The following TTC28 variants were observed in gnomAD, a reference collection of about 807,000 sequenced individuals.
The protein encoded by TTC28 is tetratricopeptide repeat protein 28.
In TTC28, 61 loss-of-function variants were observed where a neutral mutation model predicts 198.0. That is an observed-to-expected ratio of 0.31 (90% CI 0.25 to 0.38). TTC28 has a LOEUF of 0.38. Ranked by LOEUF, TTC28 falls within the 10% of genes least tolerant of loss-of-function variation. TTC28 has a pLI of 1.00. For synonymous variants in TTC28, 1,171 were observed against 1,297.8 expected (o/e 0.90, Z 2.10); for missense variants, 2,678 against 3,164.0 (o/e 0.85, Z 3.69).
chr22:28,427,151 C>A (rs2047362321), intron 2 of TTC28, among the ~76,000 whole-genome samples: 1 of 152,106 alleles, frequency 6.6e-6, no homozygotes, highest in African/African-American at 2.4e-5. Context: ...ATTGTCATGT[C>A]TCTGGGGAAA....
intron 5 of TTC28, among the ~76,000 whole-genome samples, chr22:28,201,308 C>T (rs1468853127): frequency 6.6e-6 from 1 of 152,002 alleles, no homozygotes; most frequent in Non-Finnish European, 1.5e-5. Flanking sequence ...ATGTGCAGGG[C>T]GAGAGTAGAG....
chr22:28,141,317 TAA>T (rs1943328387), intron 6 of TTC28, among the ~76,000 whole-genome samples: 1 of 152,198 alleles, frequency 6.6e-6, no homozygotes, highest in Admixed American at 6.5e-5. Flanking sequence ...TATGTTTGTT[TAA>T]AAACATGTCT....
chr22:27,986,015 T>TA (rs1460531193), intron 21 of TTC28: 2 of 153,382 alleles, frequency 1.3e-5, no homozygotes, highest in Non-Finnish European at 2.9e-5. Flanking sequence ...ACGTGGTACT[T>TA]AGACACATTA....
chr22:28,316,192 G>C (rs1362683195), intron 2 of TTC28, among the ~76,000 whole-genome samples: 1 of 152,184 alleles, frequency 6.6e-6, no homozygotes, highest in African/African-American at 2.4e-5. Context: ...TGTGGCTATG[G>C]GCATGTCTTA....
At chr22:27,993,547 AC>A in intron 17 of TTC28, 29 bp from the exon 18 acceptor site, 1 of 1,518,028 alleles carries the variant, frequency 6.6e-7, no homozygotes, top group Non-Finnish European at 8.9e-7. Flanking sequence ...TGAGTCAGAG[AC>A]CCAGGCCAGC....
At chr22:28,546,337 T>C (rs564759120) in intron 2 of TTC28, among the ~76,000 whole-genome samples, 1 of 152,082 alleles carries the variant, frequency 6.6e-6, no homozygotes, top group Non-Finnish European at 1.5e-5. Context: ...TCCCAGCTAC[T>C]TGGGAGGCTA....
chr22:28,330,743 G>C (rs1386376614), intron 2 of TTC28, among the ~76,000 whole-genome samples: 1 of 152,010 alleles, frequency 6.6e-6, no homozygotes, highest in Admixed American at 6.6e-5. Flanking sequence ...TGCAAAGAGG[G>C]TATATAAGAA....
At chr22:28,641,820 TGAGTAAATATAA>T (rs2051370462) in intron 1 of TTC28, among the ~76,000 whole-genome samples, 1 of 152,238 alleles carries the variant, frequency 6.6e-6, no homozygotes, top group South Asian at 2.1e-4. Context: ...AGTAAATATA[TGAGTAAATATAA>T]ATGAACATCA....
rs1936930504 is a variant in TTC28 at position 27,978,922 on chromosome 22, A to T, written c.*3299T>A. The T allele has an allele frequency of 6.6e-6, 1 of 152,216 alleles. No individual in the cohort carries two copies. The highest frequency in any genetic ancestry group is 2.4e-5 in the African/African-American group (1 of 41,448). 9.4% of individuals were successfully genotyped at this position (152,216 alleles called of 1,614,324 possible). On this transcript the variant is annotated 3_prime_UTR_variant, in exon 23 of 23. Transcript: ENST00000397906. ...GTGGGGCATGCCAGTTTCCTGAGCT[A>T]AAAGGAAATATATGCAATGCTTTCT... is the stretch of plus-strand genomic sequence containing the variant.
intron 21 of TTC28, chr22:27,986,153 G>A (rs1213250836): frequency 6.6e-6 from 1 of 152,202 alleles, no homozygotes; most frequent in Non-Finnish European, 1.5e-5. Flanking sequence ...TGTAATCCCT[G>A]GATGTCGAGG....
At chr22:28,040,423 C>T (rs1258826662) in intron 12 of TTC28, among the ~76,000 whole-genome samples, 2 of 152,180 alleles carry the variant, frequency 1.3e-5, no homozygotes, top group African/African-American at 4.8e-5. Flanking sequence ...GGATGCAGGG[C>T]TGGTTCAATG....
At chr22:28,304,742 T>G (rs1197250253) in intron 3 of TTC28, among the ~76,000 whole-genome samples, 1 of 152,082 alleles carries the variant, frequency 6.6e-6, no homozygotes, top group East Asian at 1.9e-4. Flanking sequence ...ACTCCAATAT[T>G]CTAAGGCAGC....
At position 28,107,980 on chromosome 22, in the gene TTC28, C is replaced by T. The variant is rs1339886774; in HGVS notation, c.1865G>A (p.Arg622Gln). 2.6e-6 allele frequency: 4 copies of T among 1,551,558 alleles called. No homozygotes were observed. The highest frequency in any genetic ancestry group is 3.9e-5 in the Admixed American group (2 of 50,994). Residue 622 changes from arginine to glutamine, a missense_variant, in exon 7 of 23, where the codon CGG (arginine) becomes CAG (glutamine). Transcript: ENST00000397906. ...CATGTCTTGAAGGTCGGGAGCAAGC[C>T]GGAGGTACTGTTCATAATAGGGGGC... The part of the protein sequence containing the change: ...QAAPYYEQYL[R>Q]LAPDLQDMEG...
intron 5 of TTC28, among the ~76,000 whole-genome samples, chr22:28,206,924 G>C (rs758074975): frequency 1.3e-5 from 2 of 152,074 alleles, no homozygotes; most frequent in South Asian, 2.1e-4. Context: ...GAATCGGGTG[G>C]GGGTAGGAGG....
intron 5 of TTC28, among the ~76,000 whole-genome samples, chr22:28,165,906 C>G (rs1334123068): frequency 2.6e-5 from 4 of 152,084 alleles, no homozygotes; most frequent in African/African-American, 9.7e-5. Flanking sequence ...GAGTCAAGAC[C>G]CATCAGTGTG....
intron 6 of TTC28, among the ~76,000 whole-genome samples, chr22:28,134,456 T>C (rs1401925962): frequency 6.6e-6 from 1 of 151,950 alleles, no homozygotes; most frequent in African/African-American, 2.4e-5. Context: ...AGCTAAAAAG[T>C]TGAAAAAAGA....
chr22:28,203,952 AAT>A (rs566267282), intron 5 of TTC28, among the ~76,000 whole-genome samples: 208 of 152,238 alleles, frequency 1.4e-3, no homozygotes, highest in Admixed American at 2.4e-3. Context: ...AGCAAAAGAA[AAT>A]ATGTTTATTC....
chr22:28,398,992 AGTT>A (rs994229933), intron 2 of TTC28, among the ~76,000 whole-genome samples: 3 of 150,256 alleles, frequency 2.0e-5, no homozygotes, highest in African/African-American at 7.3e-5. Flanking sequence ...AAATCAAAAC[AGTT>A]GTTTGGGGAG....
intron 1 of TTC28, among the ~76,000 whole-genome samples, chr22:28,663,041 G>A (rs2051773600): frequency 6.6e-6 from 1 of 152,034 alleles, no homozygotes; most frequent in African/African-American, 2.4e-5. Flanking sequence ...GAGGTCAGGA[G>A]ATCGAGACCA....
Sources: allele counts gnomAD v4.1 joint callset (sites outside exome capture counted in the v4.1 genomes callset), GRCh38; gene constraint gnomAD v4.1.1; transcripts MANE v1.5; gene names NCBI Gene and HGNC (gene_info 2026-07-23, HGNC 2026-07-21).